The following LRBA variants were observed in gnomAD, a reference collection of about 807,000 sequenced individuals.
LRBA encodes LPS responsive beige-like anchor protein.
Under a neutral mutation model 330.0 loss-of-function variants are expected in LRBA, and 176 were observed. The observed-to-expected ratio is 0.53, with a 90% confidence interval of 0.47 to 0.60. The LOEUF is 0.60. LRBA is among the 20% of genes least tolerant of loss of function. The pLI is 0.00. For missense variants in LRBA, 3,259 were observed against 3,444.8 expected (o/e 0.95, Z 1.35); for synonymous variants, 1,230 against 1,193.0 (o/e 1.03, Z -0.64).
In LRBA at chr4:150,435,590, T is replaced by C; in HGVS notation, c.7040A>G (p.Lys2347Arg). 1.2e-6 allele frequency: 2 copies of C among 1,605,748 alleles called. No homozygotes were observed. Among genetic ancestry groups the C allele is most frequent in the Non-Finnish European group, 1.7e-6 (2 of 1,177,926 alleles). ...RNSQRDTSDI[K>R]ELIPEFYYLP... ...CTATAAAACAAAACATTTCTGTACC[T>C]TAATATCAGAGGTATCACGCTGACT... The change falls in exon 46 of 57, where the codon AAG becomes AGG. Residue 2347 changes from lysine (K) to arginine (R), a missense_variant and splice_region_variant. By Grantham distance (26) the Lys-to-Arg change is conservative (BLOSUM62 2). Transcript: ENST00000651943.
At chr4:150,655,912 G>A (rs549006076) in intron 37 of LRBA, among the ~76,000 whole-genome samples, 1 of 152,214 alleles carries the variant, frequency 6.6e-6, no homozygotes, top group Admixed American at 6.5e-5. Flanking sequence ...TTGTGTTGGG[G>A]GGTATTTATC....
intron 48 of LRBA, among the ~76,000 whole-genome samples, chr4:150,341,044 G>C (rs893349488): frequency 7.9e-5 from 12 of 152,164 alleles, no homozygotes; most frequent in African/African-American, 2.9e-4. Context: ...TAGGTAGGCA[G>C]GGACAGAAAA....
chr4:150,840,179 T>G (rs937164281), intron 28 of LRBA, among the ~76,000 whole-genome samples: 1 of 152,360 alleles, frequency 6.6e-6, no homozygotes, highest in African/African-American at 2.4e-5. Context: ...ACTAAAACTT[T>G]CTTCAAATCA....
chr4:150,752,195 T>G (rs550446583), intron 35 of LRBA, among the ~76,000 whole-genome samples: 12 of 152,156 alleles, frequency 7.9e-5, no homozygotes, highest in Non-Finnish European at 1.6e-4. Context: ...CAAAATATCA[T>G]CTCCATATAT....
At chr4:150,309,202 G>A (rs1283227155) in intron 52 of LRBA, among the ~76,000 whole-genome samples, 4 of 151,972 alleles carry the variant, frequency 2.6e-5, no homozygotes, top group Non-Finnish European at 5.9e-5. Context: ...GATGTGTTTA[G>A]ACACACAGAT....
chr4:150,292,305 G>A (rs573325694), intron 53 of LRBA, among the ~76,000 whole-genome samples: 3 of 152,242 alleles, frequency 2.0e-5, no homozygotes, highest in Non-Finnish European at 4.4e-5. Context: ...GTATTTTCTG[G>A]CAAACTTGTA....
At chr4:150,901,893 C>T (rs896427619) in intron 13 of LRBA, among the ~76,000 whole-genome samples, 10 of 152,138 alleles carry the variant, frequency 6.6e-5, no homozygotes, top group Non-Finnish European at 1.3e-4. Context: ...CGACATGCCT[C>T]AAATTCTTAA....
intron 38 of LRBA, among the ~76,000 whole-genome samples, chr4:150,594,784 TC>T (rs961534432): frequency 6.6e-6 from 1 of 152,086 alleles, no homozygotes; most frequent in African/African-American, 2.4e-5. Context: ...GAGAGGCTGG[TC>T]CCCAAAATGT....
At chr4:150,372,209 A>G (rs1159577689) in intron 47 of LRBA, among the ~76,000 whole-genome samples, 2 of 152,238 alleles carry the variant, frequency 1.3e-5, no homozygotes, top group Non-Finnish European at 2.9e-5. Flanking sequence ...TATTTATTTG[A>G]GTACTGTGAT....
At chr4:150,541,583 G>T (rs1765322185) in intron 40 of LRBA, among the ~76,000 whole-genome samples, 1 of 152,146 alleles carries the variant, frequency 6.6e-6, no homozygotes, top group South Asian at 2.1e-4. Context: ...TTTTTAAAAG[G>T]TATCAATTTC....
intron 47 of LRBA, among the ~76,000 whole-genome samples, chr4:150,364,633 T>C (rs1739181960): frequency 6.6e-6 from 1 of 152,254 alleles, no homozygotes; most frequent in Admixed American, 6.5e-5. Flanking sequence ...ATACTAAATC[T>C]GGTGTGCCAT....
chr4:150,631,028 T>C (rs1364325885), intron 37 of LRBA, among the ~76,000 whole-genome samples: 1 of 152,098 alleles, frequency 6.6e-6, no homozygotes, highest in Admixed American at 6.5e-5. Flanking sequence ...AAAATATTAA[T>C]ACAAATATTT....
At chr4:150,691,302 T>C (rs1360960584) in intron 36 of LRBA, among the ~76,000 whole-genome samples, 2 of 152,118 alleles carry the variant, frequency 1.3e-5, no homozygotes, top group South Asian at 4.1e-4. Context: ...AAATTTAACA[T>C]ACATCTAAAT....
Position 150,930,862 on chromosome 4 carries a change from A to G in LRBA, c.217-1797T>C, listed in dbSNP as rs1303276542. ...AGATGACAGCTGGGATTTTGCTAAA[A>G]CAGTCTCTCCTTGTGATGGAGTCAA... On this transcript the variant is annotated intron_variant, in intron 2 of 56. Transcript: ENST00000651943. 2.6e-5 allele frequency among the ~76,000 whole-genome samples: 4 copies of G among 152,332 alleles called. No homozygotes were observed. The South Asian group carries it at 8.3e-4, about 32-fold the overall frequency.
chr4:150,801,229 T>C (rs959545290), intron 33 of LRBA, among the ~76,000 whole-genome samples: 3 of 152,214 alleles, frequency 2.0e-5, no homozygotes, highest in Admixed American at 2.0e-4. Context: ...TGAAGGTATA[T>C]ACATATACTC....
intron 2 of LRBA, among the ~76,000 whole-genome samples, chr4:150,999,496 C>T (rs1330862717): frequency 1.3e-5 from 2 of 151,796 alleles, no homozygotes; most frequent in Non-Finnish European, 2.9e-5. Context: ...CTCCTGGGCT[C>T]AAATGATCTT....
At chr4:150,745,267 G>A (rs1157903919) in intron 35 of LRBA, among the ~76,000 whole-genome samples, 1 of 152,092 alleles carries the variant, frequency 6.6e-6, no homozygotes, top group Non-Finnish European at 1.5e-5. Context: ...AAGTTGCTTT[G>A]AGCTGCAAAA....
chr4:150,639,791 GTA>G (rs1159678626), intron 37 of LRBA, among the ~76,000 whole-genome samples: 134 of 5,628 alleles, frequency 0.024, 17 homozygotes, highest in African/African-American at 0.031. Context: ...ATGTGTGTGT[GTA>G]TATATATATA....
intron 44 of LRBA, among the ~76,000 whole-genome samples, chr4:150,460,443 C>T (rs974986453): frequency 3.3e-5 from 5 of 151,760 alleles, no homozygotes; most frequent in African/African-American, 1.2e-4. Context: ...CAGTTCTCTT[C>T]GGTTTTGTCA....
Sources: allele counts gnomAD v4.1 joint callset (sites outside exome capture counted in the v4.1 genomes callset), GRCh38; gene constraint gnomAD v4.1.1; transcripts MANE v1.5; gene names NCBI Gene and HGNC (gene_info 2026-07-23, HGNC 2026-07-21).